Variants in DKK2 observed in about 807,000 individuals in gnomAD.
DKK2 encodes dickkopf-related protein 2.
DKK2 carries 11 observed loss-of-function variants against 28.1 expected under a neutral mutation model. The observed-to-expected ratio is 0.39, with a 90% confidence interval of 0.25 to 0.65. The LOEUF is 0.65. Ranked by LOEUF, DKK2 falls within the 30% of genes least tolerant of loss-of-function variation. The pLI, the probability that DKK2 is intolerant of heterozygous loss-of-function variation, is 0.47. For missense variants in DKK2, 326 were observed against 335.5 expected, an observed-to-expected ratio of 0.97 and a Z score of 0.22; for synonymous variants, 135 against 126.5, an observed-to-expected ratio of 1.07 and a Z score of -0.45.
At chr4:106,971,134 C>CAATGTAATT in intron 1 of DKK2, among the ~76,000 whole-genome samples, 1 of 152,060 alleles carries the variant, frequency 6.6e-6, no homozygotes, top group East Asian at 1.9e-4. Flanking sequence ...AACATATAGA[C>CAATGTAATT]AATGTAATTA....
intron 1 of DKK2, among the ~76,000 whole-genome samples, chr4:106,998,125 G>A (rs1473972419): frequency 6.6e-6 from 1 of 152,124 alleles, no homozygotes; most frequent in Non-Finnish European, 1.5e-5. Context: ...TAAACAACTA[G>A]CATGGAGGGC....
intron 1 of DKK2, among the ~76,000 whole-genome samples, chr4:106,938,758 T>G (rs377697873): frequency 6.6e-6 from 1 of 151,758 alleles, no homozygotes; most frequent in Admixed American, 6.6e-5. Flanking sequence ...AAAAGCTTAT[T>G]CACCATGATC....
chr4:107,023,387 G>A (rs1317908575), intron 1 of DKK2, among the ~76,000 whole-genome samples: 1 of 151,990 alleles, frequency 6.6e-6, no homozygotes, highest in Non-Finnish European at 1.5e-5. Context: ...AAGCCAATCT[G>A]AAATGGCTAC....
chr4:106,967,928 T>G (rs1012609502), intron 1 of DKK2, among the ~76,000 whole-genome samples: 109 of 122,718 alleles, frequency 8.9e-4, no homozygotes, highest in Middle Eastern at 5.0e-3. Flanking sequence ...GAGAGAGGGG[T>G]GGAAGGAAGG....
chr4:106,940,350 A>G (rs1724675081), intron 1 of DKK2, among the ~76,000 whole-genome samples: 3 of 152,198 alleles, frequency 2.0e-5, no homozygotes, highest in African/African-American at 7.2e-5. Flanking sequence ...CAAAAAACAC[A>G]TGAAAAAATG....
At chr4:107,019,901 TG>T (rs1281772905) in intron 1 of DKK2, among the ~76,000 whole-genome samples, 5 of 152,082 alleles carry the variant, frequency 3.3e-5, no homozygotes, top group African/African-American at 1.2e-4. Flanking sequence ...GCTTTGGCTT[TG>T]TTTTCCTAAG....
chr4:107,018,815 T>A (rs1222485515), intron 1 of DKK2, among the ~76,000 whole-genome samples: 1 of 152,080 alleles, frequency 6.6e-6, no homozygotes, highest in East Asian at 1.9e-4. Flanking sequence ...TAACTGCCTA[T>A]CTTTTTTCCT....
intron 1 of DKK2, among the ~76,000 whole-genome samples, chr4:107,019,196 C>A (rs1169107862): frequency 3.3e-5 from 5 of 152,060 alleles, no homozygotes; most frequent in Non-Finnish European, 4.4e-5. Flanking sequence ...TGGGAAAAAA[C>A]CAATCTCATT....
chr4:106,927,824 A>C (rs1395674905), intron 1 of DKK2, among the ~76,000 whole-genome samples: 6 of 152,208 alleles, frequency 3.9e-5, no homozygotes, highest in African/African-American at 1.4e-4. Context: ...GTTTTGCAAC[A>C]AACATTTGAA....
chr4:106,997,270 G>A (rs749888736), intron 1 of DKK2, among the ~76,000 whole-genome samples: 1 of 151,982 alleles, frequency 6.6e-6, no homozygotes, highest in Non-Finnish European at 1.5e-5. Flanking sequence ...AACCTGACAC[G>A]TAGAAGGCTT....
intron 1 of DKK2, among the ~76,000 whole-genome samples, chr4:106,931,336 T>C (rs914132225): frequency 6.6e-6 from 1 of 152,156 alleles, no homozygotes; most frequent in Non-Finnish European, 1.5e-5. Flanking sequence ...ATTTATTTAG[T>C]ATTTATTTAT....
At chr4:107,025,979 G>A (rs941676331) in intron 1 of DKK2, among the ~76,000 whole-genome samples, 5 of 152,202 alleles carry the variant, frequency 3.3e-5, no homozygotes, top group Non-Finnish European at 5.9e-5. Context: ...AGAAGTCAGA[G>A]GATGCAAGTT....
In DKK2 at chr4:107,027,686, C is replaced by T. The variant is rs551206582; in HGVS notation, c.222+7684G>A. The stretch of plus-strand genomic sequence containing the variant: ...ATACTTTTAGAAGCAGTCTAATATG[C>T]TGTTCAATTATTTTGGTTCTTGTGG... On this transcript the variant is annotated intron_variant, in intron 1 of 3. Coordinates refer to ENST00000285311, the MANE Select transcript of DKK2 (RefSeq NM_014421.3). Among the ~76,000 whole-genome samples, 45 of 151,728 alleles carry T rather than the reference C, an allele frequency of 3.0e-4. 1 individual carries two copies. In the Middle Eastern group the frequency reaches 0.01, roughly 35 times the overall value.
At chr4:107,013,675 C>A (rs2110370103) in intron 1 of DKK2, among the ~76,000 whole-genome samples, 1 of 151,248 alleles carries the variant, frequency 6.6e-6, no homozygotes, top group Middle Eastern at 3.4e-3. Flanking sequence ...GCAACAAAAG[C>A]AAAAATAGAC....
At chr4:106,988,610 T>C (rs1186825831) in intron 1 of DKK2, among the ~76,000 whole-genome samples, 2 of 152,132 alleles carry the variant, frequency 1.3e-5, no homozygotes, top group Non-Finnish European at 2.9e-5. Flanking sequence ...TTTAAAAAAA[T>C]ATTTTTATTT....
At chr4:107,000,275 G>T (rs1017820050) in intron 1 of DKK2, among the ~76,000 whole-genome samples, 2 of 152,030 alleles carry the variant, frequency 1.3e-5, no homozygotes, top group African/African-American at 4.8e-5. Context: ...ACAGATCAGT[G>T]GTTTTGGAAT....
intron 1 of DKK2, among the ~76,000 whole-genome samples, chr4:106,979,243 C>T (rs1722992604): frequency 1.3e-5 from 2 of 151,836 alleles, no homozygotes; most frequent in Non-Finnish European, 2.9e-5. Flanking sequence ...ATATTTTCAC[C>T]CATTACCTCA....
At chr4:107,024,691 C>T (rs1330130180) in intron 1 of DKK2, among the ~76,000 whole-genome samples, 1 of 152,064 alleles carries the variant, frequency 6.6e-6, no homozygotes, top group African/African-American at 2.4e-5. Flanking sequence ...GTGTTTTATG[C>T]TTTGCAAAGA....
chr4:106,961,567 A>G (rs1287728592), intron 1 of DKK2, among the ~76,000 whole-genome samples: 1 of 109,656 alleles, frequency 9.1e-6, no homozygotes, highest in Non-Finnish European at 2.3e-5. Context: ...AACAGCCTGC[A>G]CACACACACA....
Sources: gnomAD v4.1 joint callset for allele counts (sites outside exome capture counted in the v4.1 genomes callset) on GRCh38, gnomAD v4.1.1 for gene constraint, MANE v1.5 for transcripts, NCBI Gene and HGNC (gene_info 2026-07-23, HGNC 2026-07-21) for gene names.